The following MYT1L variants were observed in gnomAD, a reference collection of about 807,000 sequenced individuals.
The protein encoded by MYT1L is myelin transcription factor 1-like protein.
Under a neutral mutation model 126.7 loss-of-function variants are expected in MYT1L, and 12 were observed. The observed-to-expected ratio is 0.09, with a 90% CI of 0.06 to 0.15. MYT1L has a LOEUF of 0.15. Among genes scored for constraint, MYT1L ranks in the 10% least tolerant of loss-of-function variants. The probability of loss-of-function intolerance (pLI) is 1.00; values close to 1 mark genes in which losing one functional copy is unlikely to be tolerated. For missense variants in MYT1L, 979 were observed against 1,585.2 expected (o/e 0.62, Z 6.49); for synonymous variants, 541 against 604.2 (o/e 0.90, Z 1.53).
intron 15 of MYT1L, among the ~76,000 whole-genome samples, chr2:1,890,644 TAA>T (rs879792677): frequency 6.8e-5 from 10 of 146,364 alleles, no homozygotes; most frequent in African/African-American, 2.5e-4. Context: ...GACAGAAAGT[TAA>T]AAAAAAAAAA....
intron 3 of MYT1L, among the ~76,000 whole-genome samples, chr2:2,155,082 G>A (rs746820708): frequency 8.5e-5 from 13 of 152,162 alleles, no homozygotes; most frequent in African/African-American, 1.4e-4. Flanking sequence ...AGCCAAGATC[G>A]TGCCATTGCA....
intron 3 of MYT1L, among the ~76,000 whole-genome samples, chr2:2,081,778 C>T (rs192840821): frequency 7.5e-4 from 114 of 152,190 alleles, no homozygotes; most frequent in African/African-American, 2.6e-3. Context: ...CTCACTCTGT[C>T]GCCCAGGCTG....
intron 4 of MYT1L, among the ~76,000 whole-genome samples, chr2:2,004,685 G>C (rs2062969462): frequency 7.1e-6 from 1 of 140,426 alleles, no homozygotes; most frequent in Admixed American, 7.1e-5. Flanking sequence ...CTTCTTTCCT[G>C]CGTGCATTCT....
chr2:2,212,145 C>T (rs1189366512), intron 2 of MYT1L, among the ~76,000 whole-genome samples: 1 of 151,298 alleles, frequency 6.6e-6, no homozygotes, highest in Non-Finnish European at 1.5e-5. Context: ...TACTTGGAAA[C>T]AACACATTTA....
At chr2:1,836,167 G>A (rs1473865310) in intron 21 of MYT1L, among the ~76,000 whole-genome samples, 4 of 152,056 alleles carry the variant, frequency 2.6e-5, no homozygotes, top group African/African-American at 9.7e-5. Context: ...ACATGGGCCT[G>A]TAAGCTGTGA....
chr2:2,287,924 A>G (rs1029810657), intron 1 of MYT1L, among the ~76,000 whole-genome samples: 3 of 152,220 alleles, frequency 2.0e-5, no homozygotes, highest in African/African-American at 7.2e-5. Flanking sequence ...TAAGTAGAGT[A>G]ATAGCTAAAC....
chr2:2,209,559 T>G (rs1421706685), intron 2 of MYT1L, among the ~76,000 whole-genome samples: 1 of 152,252 alleles, frequency 6.6e-6, no homozygotes, highest in African/African-American at 2.4e-5. Flanking sequence ...TCTAACCATG[T>G]TCTTGTAAAA....
chr2:2,062,053 C>T (rs1190355305), intron 3 of MYT1L, among the ~76,000 whole-genome samples: 2 of 152,328 alleles, frequency 1.3e-5, no homozygotes, highest in East Asian at 3.9e-4. Context: ...TGAACTTCCA[C>T]GTCTCATCTA....
chr2:2,015,935 C>T (rs527689945), intron 4 of MYT1L, among the ~76,000 whole-genome samples: 10 of 152,158 alleles, frequency 6.6e-5, no homozygotes, highest in Non-Finnish European at 1.2e-4. Context: ...GGTCAGGAGG[C>T]TCGCTGCAAT....
chr2:1,888,974 TTAGAG>T (rs1372313961), intron 16 of MYT1L, among the ~76,000 whole-genome samples: 1 of 152,214 alleles, frequency 6.6e-6, no homozygotes, highest in Non-Finnish European at 1.5e-5. Context: ...ATACGTTTTC[TTAGAG>T]TAATCATTTG....
intron 3 of MYT1L, among the ~76,000 whole-genome samples, chr2:2,089,896 C>T (rs1402866903): frequency 1.3e-5 from 2 of 152,120 alleles, no homozygotes; most frequent in South Asian, 2.1e-4. Context: ...GTCATAACAC[C>T]CTTGCACTCA....
chr2:1,960,395 A>G (rs34273767), intron 8 of MYT1L, among the ~76,000 whole-genome samples: 14,294 of 152,260 alleles, frequency 0.094, 1,223 homozygotes, highest in African/African-American at 0.23. Context: ...CTTCTAGCTA[A>G]AGCCAAAGCT....
rs774369337 is a variant in MYT1L, at chr2:1,910,370, G to C, written c.1710-23C>G. On this transcript the variant is annotated intron_variant, in intron 12 of 24. Coordinates refer to ENST00000647738, the MANE Select transcript of MYT1L (RefSeq NM_001303052.2). This position sits in a 1 kb window ranked among gnomAD's most constrained non-coding sequence, Gnocchi z 4.8. ...AGGCTGCAATCACAGAAAGCGGGTT[G>C]AATGGTCCCGCCTCAAACACCTTCA... The C allele has an allele frequency of 3.1e-6, 5 of 1,588,790 alleles. No homozygotes were observed. In the South Asian group the frequency reaches 5.5e-5, roughly 18 times the overall value.
At chr2:2,003,089 G>A (rs753661450) in intron 4 of MYT1L, among the ~76,000 whole-genome samples, 13 of 152,156 alleles carry the variant, frequency 8.5e-5, no homozygotes, top group South Asian at 4.1e-4. Flanking sequence ...ATGCCTCCAC[G>A]TCAACCCCAC....
At chr2:1,832,628 C>T (rs772979901) in intron 21 of MYT1L, among the ~76,000 whole-genome samples, 3 of 152,216 alleles carry the variant, frequency 2.0e-5, no homozygotes, top group African/African-American at 7.2e-5. Flanking sequence ...CTCAACGTGT[C>T]TGCCTGCCCG....
At chr2:1,843,973 C>G (rs1032968836) in intron 19 of MYT1L, among the ~76,000 whole-genome samples, 3 of 152,236 alleles carry the variant, frequency 2.0e-5, no homozygotes, top group African/African-American at 7.2e-5. Context: ...AATGCCTGCT[C>G]TGGGGCTCAG....
chr2:1,828,113 C>G (rs935566623), intron 21 of MYT1L: 3 of 152,142 alleles, frequency 2.0e-5, no homozygotes, highest in African/African-American at 7.2e-5. Context: ...AAAACAGGAC[C>G]ACACAGATCT....
chr2:1,866,601 GA>G (rs2045528638), intron 18 of MYT1L, among the ~76,000 whole-genome samples: 1 of 134,304 alleles, frequency 7.4e-6, no homozygotes, highest in Non-Finnish European at 1.6e-5. Context: ...GAGAGAGGGA[GA>G]GGGAGGGGGA....
At chr2:2,078,648 A>G (rs932211316) in intron 3 of MYT1L, among the ~76,000 whole-genome samples, 7 of 152,334 alleles carry the variant, frequency 4.6e-5, no homozygotes, top group African/African-American at 1.7e-4. Flanking sequence ...TAACAATTAT[A>G]AACATATGTG....
Sources: gnomAD v4.1 joint callset for allele counts (sites outside exome capture counted in the v4.1 genomes callset) on GRCh38, gnomAD v4.1.1 for gene constraint, Gnocchi (gnomAD v3.1) non-coding constraint, MANE v1.5 for transcripts, NCBI Gene and HGNC (gene_info 2026-07-23, HGNC 2026-07-21) for gene names.